The following BRD4 variants were observed in gnomAD, a reference collection of about 807,000 sequenced individuals.
BRD4 encodes bromodomain-containing protein 4.
A neutral mutation model predicts 142.1 loss-of-function variants in BRD4; 16 were observed. The observed-to-expected ratio is 0.11, with a 90% CI of 0.08 to 0.17. BRD4 has a LOEUF of 0.17. BRD4 is among the 10% of genes least tolerant of loss of function. The pLI is 1.00. For missense variants in BRD4, 1,424 were observed against 1,810.9 expected, an observed-to-expected ratio of 0.79 and a Z score of 3.88; for synonymous variants, 833 against 707.5, an observed-to-expected ratio of 1.18 and a Z score of -2.82.
At chr19:15,307,694 G>C (rs941942345) in intron 1 of BRD4, among the ~76,000 whole-genome samples, 1 of 152,122 alleles carries the variant, frequency 6.6e-6, no homozygotes, top group Non-Finnish European at 1.5e-5. Context: ...GGAGGGAAGA[G>C]GATGTCCTGA....
At chr19:15,290,541 GT>G (rs2047774166) in intron 1 of BRD4, among the ~76,000 whole-genome samples, 1 of 152,098 alleles carries the variant, frequency 6.6e-6, no homozygotes, top group African/African-American at 2.4e-5. Flanking sequence ...ATGGGTGCAA[GT>G]ATACACCTAG....
At position 15,254,275 on chromosome 19, in the gene BRD4, C is replaced by G. The variant is rs576573433; in HGVS notation, c.2048-13G>C. The G allele has an allele frequency of 6.2e-7, 1 of 1,609,194 alleles. No individual in the cohort carries two copies. The highest frequency in any genetic ancestry group is 1.3e-5 in the African/African-American group (1 of 74,854). On this transcript the variant is annotated splice_polypyrimidine_tract_variant and intron_variant, in intron 10 of 19. Coordinates refer to ENST00000679869, the MANE Select transcript of BRD4 (RefSeq NM_001379291.1). The stretch of plus-strand genomic sequence containing the variant: ...TCAACTTTCTCAGCTGCAATCCAAG[C>G]AATGGGAGCTGGTCAGGCAGGGCTG...
At position 15,258,305 on chromosome 19, in the gene BRD4, C is replaced by T. The variant is rs143188130; in HGVS notation, c.1342-1132G>A. On this transcript the variant is annotated intron_variant, in intron 7 of 19. Coordinates refer to ENST00000679869, the MANE Select transcript of BRD4 (RefSeq NM_001379291.1). ...TTGATTCCCTCCCCTCCAGGACACCCGGAGTATGACTTCTTTTAGCCAATA... is the reference window on the plus strand; with the variant it reads ...TTGATTCCCTCCCCTCCAGGACACCTGGAGTATGACTTCTTTTAGCCAATA... Among the ~76,000 whole-genome samples, 1,269 of 152,296 alleles carry T rather than the reference C, an allele frequency of 8.3e-3. 7 individuals are homozygous for T. Among genetic ancestry groups the T allele is most frequent in the Middle Eastern group, 0.014 (4 of 294 alleles).
At position 15,237,018 on chromosome 19, in the gene BRD4, A is replaced by T. The variant is rs3179015; in HGVS notation, c.*1359T>A. 19,931 of 133,442 alleles carry T rather than the reference A, an allele frequency of 0.15. 1,212 individuals are homozygous for T. The highest frequency in any genetic ancestry group is 0.23 in the Middle Eastern group (68 of 302). The allele number at this position is 133,442 out of a possible 1,614,324, so 8.3% of individuals were successfully genotyped here. On this transcript the variant is annotated 3_prime_UTR_variant, in exon 20 of 20. Coordinates refer to ENST00000679869, the MANE Select transcript of BRD4 (RefSeq NM_001379291.1). ...ACCAGGGGCTCCAATTATAAAAATT[A>T]AAAAAAAAAAAAAAAAAAAGCATGG... is the stretch of plus-strand genomic sequence containing the variant.
intron 10 of BRD4, among the ~76,000 whole-genome samples, chr19:15,254,509 G>T (rs966010808): frequency 2.6e-5 from 4 of 152,166 alleles, no homozygotes; most frequent in African/African-American, 9.7e-5. Flanking sequence ...TCCTTTGGGG[G>T]GTTTATCAAG....
chr19:15,289,202 T>G (rs1325058137), intron 1 of BRD4, among the ~76,000 whole-genome samples: 1 of 152,198 alleles, frequency 6.6e-6, no homozygotes, highest in Non-Finnish European at 1.5e-5. Context: ...TTGAGATGTT[T>G]CTCCCACGAC....
At chr19:15,298,430 G>T (rs1426793851) in intron 1 of BRD4, among the ~76,000 whole-genome samples, 2 of 152,032 alleles carry the variant, frequency 1.3e-5, no homozygotes, top group Non-Finnish European at 2.9e-5. Context: ...GAGCTCAGGA[G>T]ATCAAGACCA....
intron 1 of BRD4, among the ~76,000 whole-genome samples, chr19:15,282,920 C>T (rs1369533211): frequency 7.2e-5 from 11 of 152,108 alleles, no homozygotes; most frequent in African/African-American, 2.7e-4. Flanking sequence ...AAGCTATGAT[C>T]ATGTCACTGC....
chr19:15,257,485 C>A (rs954162445), intron 7 of BRD4, among the ~76,000 whole-genome samples: 2 of 152,214 alleles, frequency 1.3e-5, no homozygotes, highest in African/African-American at 2.4e-5. Context: ...AGCCAGCTCA[C>A]TGAAGTCTGA....
At chr19:15,301,101 A>C (rs1168231885) in intron 1 of BRD4, among the ~76,000 whole-genome samples, 1 of 152,212 alleles carries the variant, frequency 6.6e-6, no homozygotes, top group African/African-American at 2.4e-5. Context: ...CAGCAATGAA[A>C]AGAAACAACT....
chr19:15,243,448 C>A lies in BRD4; in HGVS notation c.2621G>T (p.Ser874Ile), dbSNP rs1036193972. ...GGGAGGCAGGGCAGCGGCTCGGTTG[C>A]TGGGCCGTGATGGCTGCTGGGGTAG... ...NALPQQPSRP[S>I]NRAAALPPKP... The change falls in exon 14 of 20, where the codon AGC (serine) becomes ATC (isoleucine). Residue 874 changes from serine to isoleucine, a missense_variant. Around this residue, in one of 16 missense-constraint regions of BRD4, gnomAD observed 598 missense variants for 647.8 expected, o/e 0.92. Transcript: ENST00000679869. 6.3e-7 allele frequency: 1 copy of A among 1,575,328 alleles called. No individual in the cohort carries two copies. The highest frequency in any genetic ancestry group is 1.2e-5 in the South Asian group (1 of 84,648).
intron 11 of BRD4, chr19:15,248,153 G>A: frequency 4.6e-6 from 1 of 219,424 alleles, no homozygotes. Flanking sequence ...TTTCATGTCA[G>A]GCAGTTTTCT....
chr19:15,243,130 GGT>G lies in BRD4; in HGVS notation c.2937_2938del (p.Gln981AlafsTer111). ...CTGCTGGGGTGGAGGCTGGGGCTGG[GGT>G]GGTGGGGGTGGTGGCGGCTGCTGCT... is the stretch of plus-strand genomic sequence containing the variant. On this transcript the variant is annotated frameshift_variant, in exon 14 of 20. Coordinates refer to ENST00000679869, the MANE Select transcript of BRD4 (RefSeq NM_001379291.1). LOFTEE classifies it high-confidence loss of function. 1 of 1,298,144 alleles carries G rather than the reference GGT, an allele frequency of 7.7e-7. No individual in the cohort carries two copies. The highest frequency in any genetic ancestry group is 1.0e-6 in the Non-Finnish European group (1 of 967,014). The allele number at this position is 1,298,144 out of a possible 1,614,324, so 80.4% of individuals were successfully genotyped here. A position where few individuals can be genotyped will look rare whatever the true frequency, so the allele number is the denominator to read the frequency against.
intron 1 of BRD4, among the ~76,000 whole-genome samples, chr19:15,279,205 T>A (rs1393981365): frequency 6.6e-6 from 1 of 152,220 alleles, no homozygotes; most frequent in African/African-American, 2.4e-5. Context: ...TGGGAAAATA[T>A]TAGGGATAGA....
intron 14 of BRD4, among the ~76,000 whole-genome samples, chr19:15,241,239 C>T (rs2047235462): frequency 1.3e-5 from 2 of 152,372 alleles, no homozygotes; most frequent in African/African-American, 4.8e-5. Context: ...GGCCCCAGGT[C>T]TGGCCTGCCA....
At position 15,238,185 on chromosome 19, in the gene BRD4, T is replaced by C. The variant is rs1265649045; in HGVS notation, c.*192A>G. On this transcript the variant is annotated 3_prime_UTR_variant, in exon 20 of 20. Coordinates refer to ENST00000679869, the MANE Select transcript of BRD4 (RefSeq NM_001379291.1). This position sits in a 1 kb window ranked among gnomAD's most constrained non-coding sequence, Gnocchi z 7.2. The stretch of plus-strand genomic sequence containing the variant: ...GGGGTGGTGGGTGGCGGGACGTCTG[T>C]CCGACTGGCCGTAAGGCAGACAGGC... 4.6e-6 allele frequency: 4 copies of C among 868,378 alleles called. No individual in the cohort carries two copies. Among genetic ancestry groups the C allele is most frequent in the Non-Finnish European group, 6.9e-6 (4 of 578,208 alleles). The allele number at this position is 868,378 out of a possible 1,614,324, so 53.8% of individuals were successfully genotyped here.
intron 11 of BRD4, among the ~76,000 whole-genome samples, chr19:15,245,615 C>T (rs1360414784): frequency 6.6e-6 from 1 of 152,168 alleles, no homozygotes; most frequent in Non-Finnish European, 1.5e-5. Flanking sequence ...TCTGTCCTCA[C>T]CCCAGAGATT....
At chr19:15,253,566 G>C (rs1482388895) in intron 11 of BRD4, 5 of 1,567,604 alleles carry the variant, frequency 3.2e-6, no homozygotes, top group Non-Finnish European at 4.3e-6. Context: ...TTCAGGAGCA[G>C]CCAACACAGC....
chr19:15,325,997 CAAAAAAAAA>C (rs35801340), intron 1 of BRD4, among the ~76,000 whole-genome samples: 1 of 50,746 alleles, frequency 2.0e-5, no homozygotes, highest in African/African-American at 8.1e-5. Flanking sequence ...GACTCCGTCT[CAAAAAAAAA>C]AAAAAAAAAA....
Sources: gnomAD v4.1 joint callset for allele counts (sites outside exome capture counted in the v4.1 genomes callset) on GRCh38, gnomAD v4.1.1 for gene constraint, gnomAD v4.1.1 regional missense constraint, Gnocchi (gnomAD v3.1) non-coding constraint, MANE v1.5 for transcripts, NCBI Gene and HGNC (gene_info 2026-07-23, HGNC 2026-07-21) for gene names.